Variants in NRXN3 observed in about 807,000 individuals in gnomAD.
The protein encoded by NRXN3 is neurexin III.
A neutral mutation model predicts 137.6 loss-of-function variants in NRXN3; 32 were observed. The observed-to-expected ratio is 0.23, with a 90% CI of 0.18 to 0.31. The LOEUF (loss-of-function observed/expected upper bound fraction) is 0.31, where lower values mean the gene tolerates loss of function less well. Among genes scored for constraint, NRXN3 ranks in the 10% least tolerant of loss-of-function variants. NRXN3 has a pLI of 1.00. For synonymous variants in NRXN3, 798 were observed against 784.5 expected (o/e 1.02, Z -0.29); for missense variants, 1,574 against 2,062.5 (o/e 0.76, Z 4.59).
intron 7 of NRXN3, among the ~76,000 whole-genome samples, chr14:78,713,363 C>T (rs1292997410): frequency 6.6e-6 from 1 of 152,206 alleles, no homozygotes; most frequent in Non-Finnish European, 1.5e-5. Context: ...GCCATCCCCT[C>T]TGCCTGGCAT....
intron 20 of NRXN3, among the ~76,000 whole-genome samples, chr14:79,831,716 A>G (rs2099324376): frequency 6.6e-6 from 1 of 152,170 alleles, no homozygotes; most frequent in Admixed American, 6.5e-5. Flanking sequence ...GCTGCTGGCA[A>G]CATTCCACTG....
At chr14:79,860,461 G>T (rs935950691) in intron 20 of NRXN3, among the ~76,000 whole-genome samples, 1 of 152,200 alleles carries the variant, frequency 6.6e-6, no homozygotes, top group African/African-American at 2.4e-5. Flanking sequence ...CTATTGCTCA[G>T]CTTATAGTAA....
At chr14:79,464,221 T>C (rs929543061) in intron 15 of NRXN3, among the ~76,000 whole-genome samples, 1 of 152,138 alleles carries the variant, frequency 6.6e-6, no homozygotes, top group African/African-American at 2.4e-5. Context: ...TATTTTCATA[T>C]TTTTTTCTTC....
chr14:79,852,433 A>G (rs568572457), intron 20 of NRXN3, among the ~76,000 whole-genome samples: 4 of 151,846 alleles, frequency 2.6e-5, no homozygotes, highest in South Asian at 4.2e-4. Context: ...CTGTTTTTCT[A>G]TTTTCCCCTA....
chr14:78,806,583 A>C (rs1395376809), intron 9 of NRXN3, among the ~76,000 whole-genome samples: 2 of 152,224 alleles, frequency 1.3e-5, no homozygotes, highest in African/African-American at 4.8e-5. Flanking sequence ...CATTCATGAT[A>C]TAAAAGCCTA....
intron 4 of NRXN3, among the ~76,000 whole-genome samples, chr14:78,431,935 A>G (rs2093895219): frequency 6.6e-6 from 1 of 151,842 alleles, no homozygotes; most frequent in Non-Finnish European, 1.5e-5. Context: ...AGCCAGTAAA[A>G]GGCAGAGTTG....
intron 9 of NRXN3, among the ~76,000 whole-genome samples, chr14:78,805,304 T>A (rs7143363): frequency 2.4e-4 from 37 of 152,134 alleles, no homozygotes; most frequent in Non-Finnish European, 3.2e-4. Context: ...TAGGTTATAT[T>A]TTTTTCTTTT....
intron 15 of NRXN3, among the ~76,000 whole-genome samples, chr14:79,274,237 C>T (rs950918805): frequency 8.5e-5 from 13 of 152,076 alleles, no homozygotes; most frequent in Non-Finnish European, 1.8e-4. Context: ...AAGTGTCTTG[C>T]AGGGAGGTGA....
At chr14:78,748,914 C>T (rs1363645226) in intron 8 of NRXN3, among the ~76,000 whole-genome samples, 1 of 152,156 alleles carries the variant, frequency 6.6e-6, no homozygotes, top group Non-Finnish European at 1.5e-5. Context: ...TGCAGTAGAA[C>T]CAAATCCAGG....
intron 4 of NRXN3, among the ~76,000 whole-genome samples, chr14:78,371,806 A>G (rs971280154): frequency 2.0e-5 from 3 of 152,242 alleles, no homozygotes; most frequent in African/African-American, 7.2e-5. Flanking sequence ...GATCAAGGGA[A>G]CTATTCTGTC....
intron 15 of NRXN3, chr14:79,199,930 T>G (rs1490081919): frequency 2.0e-5 from 3 of 152,154 alleles, no homozygotes; most frequent in Non-Finnish European, 4.4e-5. Context: ...ATTCAGTATA[T>G]ATTTTGAGAA....
intron 15 of NRXN3, among the ~76,000 whole-genome samples, chr14:79,461,361 G>C (rs1345126491): frequency 6.6e-6 from 1 of 152,152 alleles, no homozygotes; most frequent in Non-Finnish European, 1.5e-5. Flanking sequence ...TTCAGTGAGT[G>C]TTGAGGGAAG....
chr14:79,560,504 C>CTTTTCT (rs536703528), intron 16 of NRXN3, among the ~76,000 whole-genome samples: 9 of 43,776 alleles, frequency 2.1e-4, no homozygotes, highest in African/African-American at 2.4e-4. Context: ...AGATTGTAAG[C>CTTTTCT]TTTTTTTTTT....
intron 16 of NRXN3, among the ~76,000 whole-genome samples, chr14:79,604,216 GT>G: frequency 6.6e-6 from 1 of 151,414 alleles, no homozygotes; most frequent in Non-Finnish European, 1.5e-5. Context: ...TCTAATTGGG[GT>G]TTTTCTTTGT....
chr14:79,233,588 A>G (rs951979160), intron 15 of NRXN3, among the ~76,000 whole-genome samples: 3 of 152,034 alleles, frequency 2.0e-5, no homozygotes, highest in African/African-American at 7.2e-5. Context: ...GTCATATTCT[A>G]CCTTAGAAAA....
At chr14:78,907,701 T>G (rs1237402809) in intron 10 of NRXN3, among the ~76,000 whole-genome samples, 2 of 152,062 alleles carry the variant, frequency 1.3e-5, no homozygotes, top group African/African-American at 4.8e-5. Context: ...GGTAAACTTG[T>G]GTCATGGGGG....
At chr14:78,240,842 T>G (rs2153451409) in intron 1 of NRXN3, among the ~76,000 whole-genome samples, 1 of 152,324 alleles carries the variant, frequency 6.6e-6, no homozygotes, top group South Asian at 2.1e-4. Context: ...CAGCTTCCTC[T>G]TCAAAGAAGG....
At chr14:78,781,749 T>C (rs962988494) in intron 8 of NRXN3, among the ~76,000 whole-genome samples, 57 of 152,224 alleles carry the variant, frequency 3.7e-4, no homozygotes, top group African/African-American at 1.3e-3. Flanking sequence ...TGTTTAATAA[T>C]AGAATTCAGA....
At chr14:79,610,365 T>C (rs1310958493) in intron 16 of NRXN3, among the ~76,000 whole-genome samples, 3 of 152,178 alleles carry the variant, frequency 2.0e-5, no homozygotes, top group Non-Finnish European at 4.4e-5. Context: ...ATTCCTCATA[T>C]GGTTATTTAA....
Sources: gnomAD v4.1 joint callset for allele counts (sites outside exome capture counted in the v4.1 genomes callset) on GRCh38, gnomAD v4.1.1 for gene constraint, MANE v1.5 for transcripts, NCBI Gene and HGNC (gene_info 2026-07-23, HGNC 2026-07-21) for gene names.